The following ITSN2 variants were observed in gnomAD, a reference collection of about 807,000 sequenced individuals.
ITSN2 encodes intersectin 2, also known as intersectin-2.
ITSN2 carries 156 observed loss-of-function variants against 243.7 expected under a neutral mutation model. The ratio of observed to expected loss-of-function variants is 0.64; its 90% confidence interval spans 0.56 to 0.73. The LOEUF (loss-of-function observed/expected upper bound fraction) is 0.73. ITSN2 is among the 30% of genes least tolerant of loss of function. The pLI is 0.00. For synonymous variants in ITSN2, 703 were observed against 699.9 expected, an observed-to-expected ratio of 1.00 and a Z score of -0.07; for missense variants, 1,801 against 1,996.1, an observed-to-expected ratio of 0.90 and a Z score of 1.86.
At chr2:24,349,703 T>C (rs535709931) in intron 1 of ITSN2, among the ~76,000 whole-genome samples, 1 of 152,228 alleles carries the variant, frequency 6.6e-6, no homozygotes, top group East Asian at 1.9e-4. Flanking sequence ...CCCAAACTAT[T>C]CTAACCATCA....
chr2:24,238,700 A>C (rs979862138), intron 29 of ITSN2, among the ~76,000 whole-genome samples: 3 of 152,174 alleles, frequency 2.0e-5, no homozygotes, highest in Non-Finnish European at 4.4e-5. Flanking sequence ...TATTAAAATC[A>C]AACTTTATTT....
At chr2:24,341,465 G>A (rs1156785061) in intron 1 of ITSN2, among the ~76,000 whole-genome samples, 1 of 152,142 alleles carries the variant, frequency 6.6e-6, no homozygotes, top group Admixed American at 6.5e-5. Flanking sequence ...AGGAGAAAAT[G>A]GTATTGTCAC....
chr2:24,359,671 C>A (rs1688770954), intron 1 of ITSN2, among the ~76,000 whole-genome samples: 2 of 151,852 alleles, frequency 1.3e-5, no homozygotes, highest in Non-Finnish European at 2.9e-5. Flanking sequence ...CTTTATCTGG[C>A]CTGAGAGATT....
At chr2:24,276,107 C>T (rs972509069) in intron 17 of ITSN2, among the ~76,000 whole-genome samples, 9 of 152,116 alleles carry the variant, frequency 5.9e-5, no homozygotes, top group African/African-American at 2.2e-4. Context: ...CTTTAACAAG[C>T]CGATGCTTTG....
At position 24,204,080 on chromosome 2, in the gene ITSN2, C is replaced by T. The variant is rs1668590144; in HGVS notation, c.4936+165G>A. The T allele has an allele frequency of 2.9e-6, 2 of 698,110 alleles. No individual in the cohort carries two copies. Among genetic ancestry groups the T allele is most frequent in the Admixed American group, 2.8e-5 (1 of 35,476 alleles). The allele number at this position is 698,110 out of a possible 1,614,324, so 43.2% of individuals were successfully genotyped here. On this transcript the variant is annotated intron_variant, in intron 39 of 39. Transcript: ENST00000355123. This position sits in a 1 kb window ranked among gnomAD's most constrained non-coding sequence, Gnocchi z 5.1. ...TGAAACACATCTCAGGCCACCTCCT[C>T]CCCTGAGGAAGGCCACCCACCTGCT...
rs1218620673 is a variant in ITSN2 at position 24,203,348 on chromosome 2, T to C, written c.*278A>G. 6.7e-6 allele frequency: 2 copies of C among 297,458 alleles called. No homozygotes were observed. Among genetic ancestry groups the C allele is most frequent in the East Asian group, 1.1e-4 (2 of 17,586 alleles). The allele number at this position is 297,458 out of a possible 1,614,324, so 18.4% of individuals were successfully genotyped here. A position where few individuals can be genotyped will look rare whatever the true frequency, so the allele number is the denominator to read the frequency against. On this transcript the variant is annotated 3_prime_UTR_variant, in exon 40 of 40. Transcript: ENST00000355123. ...TGCCTCATTTCCAAGTAATACTTTT[T>C]ATAGCCCTGAAAATGGAAACCTTGG...
At chr2:24,345,623 C>G (rs1687452965) in intron 1 of ITSN2, among the ~76,000 whole-genome samples, 1 of 151,724 alleles carries the variant, frequency 6.6e-6, no homozygotes, top group Non-Finnish European at 1.5e-5. Flanking sequence ...ACAAATAAAG[C>G]CAATTCTTTT....
chr2:24,213,233 C>G (rs1669663987), intron 32 of ITSN2, among the ~76,000 whole-genome samples: 1 of 152,128 alleles, frequency 6.6e-6, no homozygotes, highest in Admixed American at 6.6e-5. Context: ...TTTCCATGAC[C>G]CTCCCTGGCC....
chr2:24,212,928 T>A (rs1573871693), intron 32 of ITSN2, among the ~76,000 whole-genome samples, 180 bp from the exon 33 acceptor site: 2 of 152,322 alleles, frequency 1.3e-5, no homozygotes. Flanking sequence ...AAAATTTGTG[T>A]ATATTCACAA....
intron 1 of ITSN2, chr2:24,335,135 C>T: frequency 4.6e-6 from 1 of 219,704 alleles, no homozygotes. Flanking sequence ...GAGAAAGGGC[C>T]AAGTGACCCA....
chr2:24,254,302 A>C, intron 24 of ITSN2, 65 bp downstream of exon 24: 1 of 1,018,946 alleles, frequency 9.8e-7, no homozygotes, highest in Non-Finnish European at 1.6e-6. Context: ...CAACTATGTG[A>C]AGTCAGGTAG....
intron 29 of ITSN2, among the ~76,000 whole-genome samples, chr2:24,243,748 A>G (rs1464168628): frequency 1.3e-5 from 2 of 152,096 alleles, no homozygotes; most frequent in African/African-American, 4.8e-5. Context: ...CAGCCCTGCT[A>G]TTTCCATGTT....
intron 2 of ITSN2, among the ~76,000 whole-genome samples, chr2:24,316,349 C>T (rs1574287182): frequency 6.6e-6 from 1 of 152,146 alleles, no homozygotes; most frequent in South Asian, 2.1e-4. Context: ...AGAGTGATCT[C>T]GGCTCACTGC....
intron 23 of ITSN2, 24 bp downstream of exon 23, chr2:24,257,864 A>C (rs1043301443): frequency 9.0e-6 from 14 of 1,562,508 alleles, no homozygotes; most frequent in Admixed American, 1.7e-5. Flanking sequence ...TCCACATCTC[A>C]TGAAAACACA....
chr2:24,291,276 C>A (rs1453143504), intron 15 of ITSN2, among the ~76,000 whole-genome samples: 1 of 151,892 alleles, frequency 6.6e-6, no homozygotes, highest in East Asian at 1.9e-4. Flanking sequence ...ACCACAGATG[C>A]GTGCCACTAC....
intron 30 of ITSN2, chr2:24,220,635 C>T (rs193193109): frequency 3.6e-5 from 44 of 1,234,450 alleles, no homozygotes; most frequent in Admixed American, 4.5e-5. Flanking sequence ...ACTCTATCCC[C>T]GTCCTTCCTT....
At position 24,221,057 on chromosome 2, in the gene ITSN2, TC is replaced by T; in HGVS notation, c.3586del (p.Asp1196IlefsTer22). 6.2e-7 allele frequency: 1 copy of T among 1,605,766 alleles called. No individual in the cohort carries two copies. Among genetic ancestry groups the T allele is most frequent in the Non-Finnish European group, 8.5e-7 (1 of 1,177,450 alleles). ...DSDPSQQWCA[D>X]LQTLDTMQPI... Reference sequence around the variant, plus strand: ...CTGCATTGTGTCCAGGGTTTGCAGATCAGCACACCCTGTGGAAAAAACAGGG... The same window carrying T: ...CTGCATTGTGTCCAGGGTTTGCAGATAGCACACCCTGTGGAAAAAACAGGG... On this transcript the variant is annotated frameshift_variant, in exon 30 of 40. Transcript: ENST00000355123. LOFTEE classifies it high-confidence loss of function.
intron 17 of ITSN2, among the ~76,000 whole-genome samples, chr2:24,279,733 T>C (rs901046454): frequency 1.5e-4 from 22 of 142,316 alleles, no homozygotes; most frequent in Admixed American, 4.9e-4. Flanking sequence ...TTTCTTTTTT[T>C]TTTTTTTTTT....
chr2:24,283,034 A>C (rs1012103247), intron 17 of ITSN2, among the ~76,000 whole-genome samples: 5 of 151,618 alleles, frequency 3.3e-5, no homozygotes, highest in South Asian at 2.1e-4. Flanking sequence ...AAAAAAAAAA[A>C]AGATTTTCCT....
Sources: gnomAD v4.1 joint callset for allele counts (sites outside exome capture counted in the v4.1 genomes callset) on GRCh38, gnomAD v4.1.1 for gene constraint, Gnocchi (gnomAD v3.1) non-coding constraint, MANE v1.5 for transcripts, NCBI Gene and HGNC (gene_info 2026-07-23, HGNC 2026-07-21) for gene names.